Variants in MYOF observed in about 807,000 individuals in gnomAD.
MYOF encodes the protein myoferlin.
In MYOF, 244 loss-of-function variants were observed where a neutral mutation model predicts 284.2. The ratio of observed to expected loss-of-function variants is 0.86; its 90% CI spans 0.77 to 0.95. The LOEUF (loss-of-function observed/expected upper bound fraction) is 0.95. MYOF is among the 40% of genes least tolerant of loss of function. The pLI is 0.00. For synonymous variants in MYOF, 904 were observed against 919.7 expected (o/e 0.98, Z 0.31); for missense variants, 2,496 against 2,560.6 (o/e 0.97, Z 0.54).
At chr10:93,366,934 A>G (rs1482301786) in intron 25 of MYOF, among the ~76,000 whole-genome samples, 1 of 152,160 alleles carries the variant, frequency 6.6e-6, no homozygotes, top group Non-Finnish European at 1.5e-5. Context: ...TTAAATACCT[A>G]TGAAAGTCCT....
intron 19 of MYOF, among the ~76,000 whole-genome samples, chr10:93,382,793 C>T (rs1325829537): frequency 1.3e-5 from 2 of 152,244 alleles, no homozygotes; most frequent in East Asian, 3.8e-4. Context: ...ATGTCCCGTG[C>T]ATTCTGCCAT....
At chr10:93,474,079 T>C (rs1029092495) in intron 1 of MYOF, among the ~76,000 whole-genome samples, 3 of 152,124 alleles carry the variant, frequency 2.0e-5, no homozygotes, top group African/African-American at 7.2e-5. Context: ...GATGGCCAAA[T>C]TTGCCTGTCC....
intron 42 of MYOF, among the ~76,000 whole-genome samples, 159 bp from the exon 43 acceptor site, chr10:93,333,471 T>C (rs541003084): frequency 3.6e-5 from 5 of 138,662 alleles, no homozygotes; most frequent in Admixed American, 1.4e-4. Context: ...TGCTCTCCTT[T>C]GGGTGGCATG....
chr10:93,350,743 G>A (rs1413499135), intron 35 of MYOF, among the ~76,000 whole-genome samples: 5 of 152,124 alleles, frequency 3.3e-5, no homozygotes, highest in African/African-American at 4.8e-5. Flanking sequence ...TTGACTGGAC[G>A]GGGAAAGTCT....
chr10:93,433,297 A>G (rs1480849207), intron 3 of MYOF, among the ~76,000 whole-genome samples: 1 of 152,146 alleles, frequency 6.6e-6, no homozygotes, highest in African/African-American at 2.4e-5. Flanking sequence ...AGCTGGGATT[A>G]CAGGCATGCG....
chr10:93,452,628 A>G (rs183111780), intron 2 of MYOF, among the ~76,000 whole-genome samples: 107 of 151,952 alleles, frequency 7.0e-4, no homozygotes, highest in Middle Eastern at 6.8e-3. Context: ...TGGGTGCAGC[A>G]CACCAACATG....
chr10:93,372,128 C>G (rs11819535), intron 24 of MYOF, among the ~76,000 whole-genome samples: 3,022 of 152,318 alleles, frequency 0.02, 86 homozygotes, highest in African/African-American at 0.069. Flanking sequence ...GAAGAGAACA[C>G]TCTCTCCAAC....
chr10:93,362,552 G>A (rs1384856872), intron 27 of MYOF, among the ~76,000 whole-genome samples: 5 of 152,070 alleles, frequency 3.3e-5, no homozygotes, highest in African/African-American at 1.2e-4. Context: ...GCAGACACAT[G>A]TTTTTGAGTA....
At chr10:93,346,257 G>T (rs1399423743) in intron 37 of MYOF, among the ~76,000 whole-genome samples, 1 of 152,076 alleles carries the variant, frequency 6.6e-6, no homozygotes, top group Non-Finnish European at 1.5e-5. Flanking sequence ...AGGATGCTTA[G>T]TCAGACCTAC....
intron 3 of MYOF, among the ~76,000 whole-genome samples, chr10:93,450,845 C>T (rs765232915): frequency 6.0e-5 from 9 of 149,000 alleles, no homozygotes; most frequent in East Asian, 1.9e-4. Flanking sequence ...TTAAATATCA[C>T]GCTTTTTTTG....
intron 21 of MYOF, among the ~76,000 whole-genome samples, chr10:93,378,416 C>T (rs1845941080): frequency 6.6e-6 from 1 of 152,036 alleles, no homozygotes; most frequent in Non-Finnish European, 1.5e-5. Flanking sequence ...ACTTTATTTT[C>T]AGGACAGTTA....
chr10:93,310,844 A>G (rs371906948), intron 51 of MYOF, among the ~76,000 whole-genome samples: 6 of 152,120 alleles, frequency 3.9e-5, no homozygotes, highest in African/African-American at 1.4e-4. Context: ...AACTTTGAGG[A>G]CAAATTGCTT....
intron 25 of MYOF, among the ~76,000 whole-genome samples, chr10:93,368,026 G>A (rs1845407439): frequency 6.6e-6 from 1 of 151,988 alleles, no homozygotes; most frequent in Non-Finnish European, 1.5e-5. Flanking sequence ...ATGGGAAAGA[G>A]TGGAAGGAAG....
At chr10:93,335,784 A>G in intron 41 of MYOF, 137 bp downstream of exon 41, 1 of 1,060,638 alleles carries the variant, frequency 9.4e-7, no homozygotes, top group Non-Finnish European at 1.3e-6. Context: ...CCTTTATCCT[A>G]GGCCTATATA....
At position 93,479,139 on chromosome 10, in the gene MYOF, T is replaced by C. The variant is rs184618095; in HGVS notation, c.88+2968A>G. Among the ~76,000 whole-genome samples, 8 of 152,016 alleles carry C rather than the reference T, an allele frequency of 5.3e-5. No individual in the cohort carries two copies. The East Asian group carries it at 1.5e-3, about 29-fold the overall frequency. Reference sequence around the variant, plus strand: ...TGCCGCCTTGATCTTCTGGTATGGCTTTTTCCTTTTTTTTTTTTTGAGATG... The same window carrying C: ...TGCCGCCTTGATCTTCTGGTATGGCCTTTTCCTTTTTTTTTTTTTGAGATG... On this transcript the variant is annotated intron_variant, in intron 1 of 53. Coordinates refer to ENST00000359263, the MANE Select transcript of MYOF (RefSeq NM_013451.4).
At chr10:93,394,448 CTTTTTTTTTTTT>C (rs33970988) in intron 16 of MYOF, among the ~76,000 whole-genome samples, 604 of 28,714 alleles carry the variant, frequency 0.021, 10 homozygotes, top group Middle Eastern at 0.11. Context: ...ACCATCTTGT[CTTTTTTTTTTTT>C]TTTTTTTTTT....
intron 19 of MYOF, 140 bp from the exon 20 acceptor site, chr10:93,381,536 G>A: frequency 3.6e-6 from 3 of 843,912 alleles, no homozygotes; most frequent in Admixed American, 2.5e-5. Context: ...GGACCCAGCT[G>A]TTCCTCTTGC....
chr10:93,316,836 C>G, intron 49 of MYOF, 23 bp from the exon 50 acceptor site: 2 of 1,586,238 alleles, frequency 1.3e-6, no homozygotes, highest in Non-Finnish European at 1.7e-6. Context: ...GAAACATGAT[C>G]ATGATGACTC....
chr10:93,418,702 C>T (rs886773642), intron 5 of MYOF, among the ~76,000 whole-genome samples: 40 of 152,360 alleles, frequency 2.6e-4, no homozygotes, highest in South Asian at 1.2e-3. Flanking sequence ...GCTCTCCATA[C>T]AGACTCGGGG....
Sources: allele counts gnomAD v4.1 joint callset (sites outside exome capture counted in the v4.1 genomes callset), GRCh38; gene constraint gnomAD v4.1.1; transcripts MANE v1.5; gene names NCBI Gene and HGNC (gene_info 2026-07-23, HGNC 2026-07-21).